The following TMEM120B variants were observed in gnomAD, a reference collection of about 807,000 sequenced individuals.
TMEM120B encodes the protein transmembrane protein 120B.
A neutral mutation model predicts 55.5 loss-of-function variants in TMEM120B; 31 were observed. That is an observed-to-expected ratio of 0.56 (90% CI 0.42 to 0.75). The LOEUF is 0.75. TMEM120B is among the 30% of genes least tolerant of loss of function. The pLI is 0.00. For synonymous variants in TMEM120B, 203 were observed against 176.3 expected (o/e 1.15, Z -1.20); for missense variants, 399 against 425.5 (o/e 0.94, Z 0.55).
At position 121,752,132 on chromosome 12, in the gene TMEM120B, G is replaced by A. The variant is rs770014935; in HGVS notation, c.370G>A (p.Ala124Thr). ...VTLLSNQAKF[A>T]YKDEYEKFKL... The stretch of plus-strand genomic sequence containing the variant: ...TGGGCGTGTCTGTCGTGGCAGGTTC[G>A]CCTACAAGGACGAATATGAGAAGTT... Residue 124 changes from alanine to threonine, a missense_variant, in exon 5 of 12, where the codon GCC becomes ACC. By Grantham distance (58) the Ala-to-Thr change is moderately conservative (BLOSUM62 0). Transcript: ENST00000449592. 3.0e-5 allele frequency: 49 copies of A among 1,612,964 alleles called. No individual in the cohort carries two copies. The highest frequency in any genetic ancestry group is 3.6e-5 in the Non-Finnish European group (43 of 1,179,752).
intron 6 of TMEM120B, among the ~76,000 whole-genome samples, chr12:121,766,437 G>A (rs2137331406): frequency 6.6e-6 from 1 of 152,272 alleles, no homozygotes; most frequent in East Asian, 1.9e-4. Context: ...TCATGGCCCG[G>A]CTCCAGCTCC....
At chr12:121,729,122 A>C (rs1894950746) in intron 1 of TMEM120B, among the ~76,000 whole-genome samples, 1 of 152,168 alleles carries the variant, frequency 6.6e-6, no homozygotes, top group African/African-American at 2.4e-5. Context: ...ACCGCAAAAA[A>C]CTATGGGGAT....
chr12:121,774,218 C>T (rs56012262), intron 9 of TMEM120B, among the ~76,000 whole-genome samples: 29,983 of 152,092 alleles, frequency 0.2, 4,520 homozygotes, highest in African/African-American at 0.41. Context: ...GGCCTCCCAA[C>T]GTGCTGGGAT....
chr12:121,764,554 C>T (rs1035035172), intron 6 of TMEM120B, among the ~76,000 whole-genome samples: 1 of 151,748 alleles, frequency 6.6e-6, no homozygotes, highest in Admixed American at 6.6e-5. Flanking sequence ...TGGTGTACAC[C>T]TGTAGTCCTA....
intron 2 of TMEM120B, among the ~76,000 whole-genome samples, chr12:121,745,818 G>T (rs1002148109): frequency 1.3e-5 from 2 of 151,898 alleles, no homozygotes; most frequent in African/African-American, 4.8e-5. Flanking sequence ...ATGAATACTA[G>T]GACTACATGC....
chr12:121,732,176 GAA>G (rs1895015084), intron 1 of TMEM120B, among the ~76,000 whole-genome samples: 1 of 152,182 alleles, frequency 6.6e-6, no homozygotes, highest in African/African-American at 2.4e-5. Context: ...AAGGATACAA[GAA>G]ATGAATTGAT....
At chr12:121,758,318 C>T in intron 5 of TMEM120B, 1 of 985,516 alleles carries the variant, frequency 1.0e-6, no homozygotes, top group Non-Finnish European at 1.2e-6. Flanking sequence ...GGTCTGCCGG[C>T]CCTCCATGCT....
intron 8 of TMEM120B, among the ~76,000 whole-genome samples, chr12:121,772,095 C>T (rs1409380333): frequency 2.1e-5 from 3 of 143,372 alleles, no homozygotes; most frequent in East Asian, 2.1e-4. Context: ...TTCTCTCTCT[C>T]TCTCTTTCTC....
chr12:121,753,911 G>C (rs1478602733), intron 5 of TMEM120B, among the ~76,000 whole-genome samples: 1 of 152,182 alleles, frequency 6.6e-6, no homozygotes, highest in African/African-American at 2.4e-5. Context: ...GGCGCTGCTG[G>C]GGGTGCTCCC....
chr12:121,755,209 T>C (rs1299709882), intron 5 of TMEM120B, among the ~76,000 whole-genome samples: 2 of 152,218 alleles, frequency 1.3e-5, no homozygotes, highest in African/African-American at 4.8e-5. Flanking sequence ...CCGGAGGCCC[T>C]TCTTGGTACC....
At chr12:121,713,042 G>A (rs887472780) in intron 1 of TMEM120B, 78 bp downstream of exon 1, 14 of 1,287,040 alleles carry the variant, frequency 1.1e-5, no homozygotes, top group Non-Finnish European at 1.5e-5. Context: ...CCCCGGCCCG[G>A]GCGGTGGGGA....
intron 5 of TMEM120B, among the ~76,000 whole-genome samples, chr12:121,760,894 A>G (rs1474932005): frequency 6.6e-6 from 1 of 152,194 alleles, no homozygotes; most frequent in Non-Finnish European, 1.5e-5. Context: ...AATACATGTA[A>G]CAAAGTTTAC....
At chr12:121,731,304 T>G (rs1361953966) in intron 1 of TMEM120B, among the ~76,000 whole-genome samples, 10 of 152,142 alleles carry the variant, frequency 6.6e-5, no homozygotes, top group African/African-American at 2.4e-4. Flanking sequence ...CAGGCTGGAG[T>G]GCAGTGGTGC....
At chr12:121,748,706 A>G (rs1343968618) in intron 3 of TMEM120B, among the ~76,000 whole-genome samples, 2 of 152,168 alleles carry the variant, frequency 1.3e-5, no homozygotes, top group African/African-American at 4.8e-5. Flanking sequence ...ACCTGGGGTT[A>G]AGAGGGAAAC....
At chr12:121,740,026 A>G (rs1872886822) in intron 1 of TMEM120B, among the ~76,000 whole-genome samples, 1 of 151,808 alleles carries the variant, frequency 6.6e-6, no homozygotes, top group Non-Finnish European at 1.5e-5. Context: ...TGATCGGCCC[A>G]TCTTGGCCTC....
chr12:121,770,848 G>C (rs930975714), intron 6 of TMEM120B, 59 bp from the exon 7 acceptor site: 34 of 1,535,420 alleles, frequency 2.2e-5, no homozygotes, highest in Non-Finnish European at 3.1e-5. Flanking sequence ...GCCTCAGCGA[G>C]ACACATGCCT....
Position 121,779,521 on chromosome 12 carries a change from GCTT to G in TMEM120B, c.*3805_*3807del, listed in dbSNP as rs758224312. The G allele has an allele frequency of 2.3e-5, 37 of 1,612,770 alleles. No individual in the cohort carries two copies. The highest frequency in any genetic ancestry group is 1.8e-4 in the East Asian group (8 of 44,894). On this transcript the variant is annotated 3_prime_UTR_variant, in exon 12 of 12. Transcript: ENST00000449592. ...GGTCAGAGCAGCAGGCAGAGCCGGC[GCTT>G]CTTCTGCCGTTGCGCCTTCTTCAGA... is the stretch of plus-strand genomic sequence containing the variant.
intron 5 of TMEM120B, among the ~76,000 whole-genome samples, chr12:121,759,860 C>T (rs936534559): frequency 1.9e-4 from 29 of 151,872 alleles, no homozygotes; most frequent in African/African-American, 6.5e-4. Flanking sequence ...AGGCCGGGTG[C>T]GATAACTCAC....
At chr12:121,726,312 G>T (rs1894890600) in intron 1 of TMEM120B, among the ~76,000 whole-genome samples, 2 of 151,918 alleles carry the variant, frequency 1.3e-5, no homozygotes, top group Non-Finnish European at 2.9e-5. Flanking sequence ...GGGCGCAGTG[G>T]CTCACGCCTG....
Sources: gnomAD v4.1 joint callset for allele counts (sites outside exome capture counted in the v4.1 genomes callset) on GRCh38, gnomAD v4.1.1 for gene constraint, MANE v1.5 for transcripts, NCBI Gene and HGNC (gene_info 2026-07-23, HGNC 2026-07-21) for gene names.